Variants in ARHGEF11 observed in about 807,000 individuals in gnomAD.
The protein encoded by ARHGEF11 is Rho guanine nucleotide exchange factor 11.
In ARHGEF11, 55 loss-of-function variants were observed where a neutral mutation model predicts 193.7. The ratio of observed to expected loss-of-function variants is 0.28; its 90% CI spans 0.23 to 0.36. The LOEUF is 0.36. Ranked by LOEUF, ARHGEF11 falls within the 10% of genes least tolerant of loss-of-function variation. The pLI, the probability that ARHGEF11 is intolerant of heterozygous loss-of-function variation, is 1.00. For missense variants in ARHGEF11, 1,723 were observed against 2,005.6 expected (o/e 0.86, Z 2.69); for synonymous variants, 693 against 768.0 (o/e 0.90, Z 1.62).
intron 1 of ARHGEF11, among the ~76,000 whole-genome samples, chr1:157,024,718 T>C (rs1278458802): frequency 2.0e-5 from 3 of 150,754 alleles, no homozygotes; most frequent in South Asian, 2.1e-4. Flanking sequence ...AAAGATAAAA[T>C]GAATGGGTGA....
intron 1 of ARHGEF11, among the ~76,000 whole-genome samples, chr1:156,999,796 T>C (rs1666987649): frequency 6.6e-6 from 1 of 152,220 alleles, no homozygotes; most frequent in Admixed American, 6.5e-5. Context: ...ATCTGTGGAA[T>C]GAGGTTTCCT....
intron 6 of ARHGEF11, 132 bp downstream of exon 6, chr1:156,978,072 A>G (rs1663517364): frequency 1.5e-6 from 2 of 1,374,092 alleles, no homozygotes; most frequent in South Asian, 1.5e-5. Context: ...AACTCTTTCA[A>G]TGGTCTTTCA....
At chr1:156,971,962 C>A (rs535193786) in intron 7 of ARHGEF11, 146 bp from the exon 8 acceptor site, 7 of 946,664 alleles carry the variant, frequency 7.4e-6, no homozygotes, top group African/African-American at 1.6e-5. Context: ...AGTAGATGCA[C>A]GGTATTTCAA....
chr1:157,021,629 A>G (rs545998247), intron 1 of ARHGEF11, among the ~76,000 whole-genome samples: 1 of 151,650 alleles, frequency 6.6e-6, no homozygotes, highest in African/African-American at 2.4e-5. Context: ...GAGAGGCCAA[A>G]TAAAGCAGTG....
At chr1:156,945,554 C>T (rs1657962342) in intron 29 of ARHGEF11, 2 of 277,978 alleles carry the variant, frequency 7.2e-6, no homozygotes, top group Non-Finnish European at 1.4e-5. Context: ...ACCTCTCTGT[C>T]CTGACTCCAA....
chr1:156,989,597 A>C (rs1324507754), intron 1 of ARHGEF11, among the ~76,000 whole-genome samples: 1 of 152,142 alleles, frequency 6.6e-6, no homozygotes, highest in African/African-American at 2.4e-5. Flanking sequence ...CTGGATCCTA[A>C]GCGATGCTAT....
intron 3 of ARHGEF11, 97 bp from the exon 4 acceptor site, chr1:156,980,583 C>T (rs892353474): frequency 1.9e-5 from 26 of 1,359,776 alleles, no homozygotes; most frequent in Non-Finnish European, 2.6e-5. Context: ...GAAATTTCCT[C>T]TTATTTCTCT....
At chr1:157,032,474 C>A (rs960299416) in intron 1 of ARHGEF11, among the ~76,000 whole-genome samples, 1 of 152,232 alleles carries the variant, frequency 6.6e-6, no homozygotes, top group Non-Finnish European at 1.5e-5. Flanking sequence ...CTCAAACACA[C>A]TGAGTCAGAA....
intron 6 of ARHGEF11, among the ~76,000 whole-genome samples, chr1:156,977,255 T>C (rs531745761): frequency 1.8e-4 from 27 of 152,340 alleles, no homozygotes; most frequent in Admixed American, 1.5e-3. Context: ...GTAATCACCT[T>C]TGGTATCAAG....
chr1:156,941,783 G>A (rs1211153829), intron 34 of ARHGEF11, 81 bp downstream of exon 34: 1 of 1,517,958 alleles, frequency 6.6e-7, no homozygotes, highest in Non-Finnish European at 8.8e-7. Flanking sequence ...TCTACCCACG[G>A]GGGCGAAGGG....
intron 1 of ARHGEF11, among the ~76,000 whole-genome samples, chr1:156,988,564 C>T (rs755477813): frequency 6.6e-6 from 1 of 152,160 alleles, no homozygotes; most frequent in East Asian, 1.9e-4. Flanking sequence ...CTAGAAGGTG[C>T]ATCTGAACCT....
intron 11 of ARHGEF11, among the ~76,000 whole-genome samples, chr1:156,964,318 A>G (rs1661403687): frequency 6.6e-6 from 1 of 152,242 alleles, no homozygotes; most frequent in African/African-American, 2.4e-5. Context: ...CATATTGCAT[A>G]AACTTCTCAG....
intron 1 of ARHGEF11, among the ~76,000 whole-genome samples, chr1:156,987,351 A>G: frequency 6.6e-6 from 1 of 152,266 alleles, no homozygotes; most frequent in East Asian, 1.9e-4. Flanking sequence ...GAGGCTCTTT[A>G]TACATGATAC....
intron 1 of ARHGEF11, among the ~76,000 whole-genome samples, chr1:157,026,148 C>A (rs1670606771): frequency 6.6e-6 from 1 of 152,206 alleles, no homozygotes. Context: ...CAGATACCAG[C>A]AGAGTCAGAG....
intron 1 of ARHGEF11, among the ~76,000 whole-genome samples, chr1:157,006,324 C>T (rs1487998623): frequency 6.6e-6 from 1 of 152,116 alleles, no homozygotes; most frequent in African/African-American, 2.4e-5. Flanking sequence ...TGGAGCTATC[C>T]AAGATGGAAT....
chr1:157,018,665 A>C (rs1669589449), intron 1 of ARHGEF11, among the ~76,000 whole-genome samples: 1 of 151,936 alleles, frequency 6.6e-6, no homozygotes, highest in African/African-American at 2.4e-5. Flanking sequence ...AAAAAAAAAG[A>C]AATGAAAAAG....
chr1:156,940,599 A>C (rs903763284), intron 35 of ARHGEF11, among the ~76,000 whole-genome samples, 174 bp from the exon 36 acceptor site: 1 of 152,250 alleles, frequency 6.6e-6, no homozygotes, highest in Non-Finnish European at 1.5e-5. Flanking sequence ...AACAGTAAGC[A>C]AAACAAAAAG....
chr1:156,956,499 C>T lies in ARHGEF11; in HGVS notation c.1592G>A (p.Arg531Gln), dbSNP rs780733515. Residue 531 changes from arginine to glutamine, a missense_variant, in exon 19 of 41, where the codon CGA (arginine) becomes CAA (glutamine). This residue lies in a region of ARHGEF11 where 646 missense variants were observed against 710.7 expected (regional missense o/e 0.91). Coordinates refer to ENST00000368194, the MANE Select transcript of ARHGEF11 (RefSeq NM_198236.3). The stretch of plus-strand genomic sequence containing the variant: ...GGCCTTTTCAGCTGTGTTGGAAGGT[C>T]GTGCCTCTCGAAGACGGATCCCAGC... Reference protein sequence around the residue: ...SHAGIRLREARPSNTAEKAQS... With the variant: ...SHAGIRLREAQPSNTAEKAQS... The T allele has an allele frequency of 4.8e-5, 78 of 1,614,066 alleles. No individual in the cohort carries two copies. Among genetic ancestry groups the T allele is most frequent in the South Asian group, 1.9e-4 (17 of 91,058 alleles).
At chr1:156,939,522 C>A (rs889141711) in intron 37 of ARHGEF11, 26 bp downstream of exon 37, 3 of 1,605,928 alleles carry the variant, frequency 1.9e-6, no homozygotes, top group South Asian at 1.1e-5. Context: ...GCTTGTCTCC[C>A]CACTGGACAC....
Sources: gnomAD v4.1 joint callset for allele counts (sites outside exome capture counted in the v4.1 genomes callset) on GRCh38, gnomAD v4.1.1 for gene constraint, gnomAD v4.1.1 regional missense constraint, MANE v1.5 for transcripts, NCBI Gene and HGNC (gene_info 2026-07-23, HGNC 2026-07-21) for gene names.